The following DST variants were observed in gnomAD, a reference collection of about 807,000 sequenced individuals.
DST encodes the protein dystonin.
In DST, 253 loss-of-function variants were observed where a neutral mutation model predicts 875.2. The observed-to-expected ratio is 0.29, with a 90% CI of 0.26 to 0.32. The LOEUF is 0.32. Among genes scored for constraint, DST ranks in the 10% least tolerant of loss-of-function variants. The pLI is 1.00. For missense variants in DST, 8,287 were observed against 9,111.6 expected (o/e 0.91, Z 3.68); for synonymous variants, 3,124 against 3,197.1 (o/e 0.98, Z 0.77).
At chr6:56,679,819 T>A (rs2099148689) in intron 9 of DST, among the ~76,000 whole-genome samples, 1 of 151,964 alleles carries the variant, frequency 6.6e-6, no homozygotes, top group Admixed American at 6.6e-5. Flanking sequence ...CCCTACCACA[T>A]CTACTTTTAT....
intron 9 of DST, among the ~76,000 whole-genome samples, chr6:56,686,241 C>T (rs2099186278): frequency 6.6e-6 from 1 of 152,168 alleles, no homozygotes; most frequent in Non-Finnish European, 1.5e-5. Flanking sequence ...TCAGTGACAG[C>T]TAAACATTGA....
At chr6:56,577,988 TGA>T (rs138685785) in intron 50 of DST, among the ~76,000 whole-genome samples, 4,889 of 152,164 alleles carry the variant, frequency 0.032, 241 homozygotes, top group African/African-American at 0.11. Context: ...GCACCCGGCC[TGA>T]GAGATGTGCT....
intron 2 of DST, among the ~76,000 whole-genome samples, chr6:56,930,179 T>C (rs1212093650): frequency 1.3e-5 from 2 of 152,252 alleles, no homozygotes; most frequent in African/African-American, 2.4e-5. Flanking sequence ...CTTGTAGCAC[T>C]CAGTGCCTAG....
chr6:56,763,336 T>C lies in DST; in HGVS notation c.626-28047A>G, dbSNP rs111438049. The stretch of plus-strand genomic sequence containing the variant: ...GCTGCTTCTTTATGCCTGGATCAAG[T>C]CCAACATGTCCTAGCTTTTCACTAT... On this transcript the variant is annotated intron_variant, in intron 4 of 103. Transcript: ENST00000680361. Among the ~76,000 whole-genome samples the C allele has an allele frequency of 5.5e-3, 836 of 152,242 alleles. 6 individuals are homozygous for C. Among genetic ancestry groups the C allele is most frequent in the Middle Eastern group, 0.017 (5 of 294 alleles).
chr6:56,738,004 G>T (rs1407880949), intron 4 of DST, among the ~76,000 whole-genome samples: 1 of 152,210 alleles, frequency 6.6e-6, no homozygotes, highest in East Asian at 1.9e-4. Context: ...AGACTACTCA[G>T]TGATAGTATT....
intron 49 of DST, among the ~76,000 whole-genome samples, chr6:56,581,897 A>G (rs1225468558): frequency 6.6e-6 from 1 of 152,168 alleles, no homozygotes; most frequent in Non-Finnish European, 1.5e-5. Flanking sequence ...GGGTATATCT[A>G]ACTACCCAAA....
intron 46 of DST, 77 bp from the exon 47 acceptor site, chr6:56,598,083 C>T (rs2098408489): frequency 1.5e-6 from 2 of 1,330,186 alleles, no homozygotes; most frequent in South Asian, 2.1e-5. Flanking sequence ...AAAGTAAATA[C>T]TTAGAACATT....
chr6:56,942,655 G>A (rs1817202566), intron 2 of DST, among the ~76,000 whole-genome samples: 1 of 149,946 alleles, frequency 6.7e-6, no homozygotes, highest in Non-Finnish European at 1.5e-5. Flanking sequence ...ACACCCCACA[G>A]GACAATGTTA....
intron 30 of DST, 150 bp from the exon 31 acceptor site, chr6:56,630,533 TTTC>T: frequency 2.6e-6 from 2 of 766,114 alleles, no homozygotes; most frequent in South Asian, 1.7e-5. Flanking sequence ...TTTTTCTGGC[TTTC>T]TTCTTAATAG....
rs775711734 is a variant in DST, at chr6:56,604,596, A to G, written c.10032T>C (p.Ile3344=). The change falls in exon 40 of 104, where the codon ATT becomes ATC. Residue 3344 remains isoleucine, a synonymous_variant. Coordinates refer to ENST00000680361, the MANE Select transcript of DST (RefSeq NM_001374736.1). ...SPRSQEKEVQ[I]PELSQVFVED... is the part of the protein sequence containing the mutation. ...CCACAAATACCTGAGACAATTCAGG[A>G]ATCTGAACCTCCTTTTCTTGGGATC... 14 of 1,611,888 alleles carry G rather than the reference A, an allele frequency of 8.7e-6. No individual in the cohort carries two copies. In the Admixed American group the frequency reaches 2.3e-4, roughly 27 times the overall value.
At chr6:56,689,811 G>A (rs1187819412) in intron 9 of DST, among the ~76,000 whole-genome samples, 1 of 152,124 alleles carries the variant, frequency 6.6e-6, no homozygotes, top group Non-Finnish European at 1.5e-5. Context: ...TACAGATGAT[G>A]AAAACAACTA....
intron 3 of DST, among the ~76,000 whole-genome samples, chr6:56,875,031 T>C (rs1029717418): frequency 6.6e-6 from 1 of 152,218 alleles, no homozygotes; most frequent in Non-Finnish European, 1.5e-5. Flanking sequence ...TCGCCCAGGC[T>C]GAAGTGCAGT....
intron 4 of DST, among the ~76,000 whole-genome samples, chr6:56,816,667 T>C (rs1003821025): frequency 2.6e-5 from 4 of 152,200 alleles, no homozygotes; most frequent in Non-Finnish European, 5.9e-5. Flanking sequence ...CCCTATCGCG[T>C]GCAGGACTGA....
At chr6:56,931,637 C>T (rs1200475569) in intron 2 of DST, among the ~76,000 whole-genome samples, 1 of 152,204 alleles carries the variant, frequency 6.6e-6, no homozygotes, top group East Asian at 1.9e-4. Context: ...GGTGGAGCTG[C>T]CCAAGAACAT....
At chr6:56,861,252 G>C (rs564959635) in intron 3 of DST, among the ~76,000 whole-genome samples, 2 of 152,292 alleles carry the variant, frequency 1.3e-5, no homozygotes, top group South Asian at 4.1e-4. Context: ...GAAACTTTAA[G>C]TGCCTGGCAC....
intron 3 of DST, among the ~76,000 whole-genome samples, chr6:56,897,410 C>A (rs747529917): frequency 5.9e-5 from 9 of 152,016 alleles, no homozygotes; most frequent in Non-Finnish European, 1.0e-4. Context: ...TGGCTCCCTG[C>A]AACCTCCACC....
At chr6:56,468,405 A>G (rs1186299479) in intron 98 of DST, among the ~76,000 whole-genome samples, 1 of 152,212 alleles carries the variant, frequency 6.6e-6, no homozygotes, top group Non-Finnish European at 1.5e-5. Flanking sequence ...AAGGAATATT[A>G]CTTAAAGCCT....
At chr6:56,692,180 G>A (rs1001780030) in intron 9 of DST, among the ~76,000 whole-genome samples, 1 of 152,172 alleles carries the variant, frequency 6.6e-6, no homozygotes, top group Non-Finnish European at 1.5e-5. Context: ...AGGATTTTTA[G>A]ATTAAAGTGT....
At chr6:56,718,639 A>T (rs145437991) in intron 5 of DST, among the ~76,000 whole-genome samples, 313 of 152,344 alleles carry the variant, frequency 2.1e-3, no homozygotes, top group African/African-American at 7.0e-3. Flanking sequence ...ACAAGAGTCA[A>T]AAAGTGGCAA....
Sources: allele counts gnomAD v4.1 joint callset (sites outside exome capture counted in the v4.1 genomes callset), GRCh38; gene constraint gnomAD v4.1.1; transcripts MANE v1.5; gene names NCBI Gene and HGNC (gene_info 2026-07-23, HGNC 2026-07-21).